Variants in FREM2 observed in about 807,000 individuals in gnomAD.
FREM2 encodes the protein FRAS1 related extracellular matrix 2, also known as FRAS1-related extracellular matrix protein 2.
Under a neutral mutation model 219.9 loss-of-function variants are expected in FREM2, and 119 were observed. The observed-to-expected ratio is 0.54, with a 90% CI of 0.47 to 0.63. The LOEUF (loss-of-function observed/expected upper bound fraction) is 0.63, where lower values mean the gene tolerates loss of function less well. Ranked by LOEUF, FREM2 falls within the 30% of genes least tolerant of loss-of-function variation. The pLI, the probability that FREM2 is intolerant of heterozygous loss-of-function variation, is 0.00. For missense variants in FREM2, 4,030 were observed against 3,993.6 expected (o/e 1.01, Z -0.25); for synonymous variants, 1,562 against 1,522.8 (o/e 1.03, Z -0.60).
At chr13:38,814,336 T>C (rs1008318160) in intron 6 of FREM2, among the ~76,000 whole-genome samples, 1 of 152,224 alleles carries the variant, frequency 6.6e-6, no homozygotes, top group African/African-American at 2.4e-5. Flanking sequence ...CTGTCCTTCT[T>C]TGGAAGACTT....
intron 6 of FREM2, among the ~76,000 whole-genome samples, chr13:38,811,680 A>AT (rs1432050430): frequency 6.6e-6 from 1 of 151,850 alleles, no homozygotes; most frequent in Non-Finnish European, 1.5e-5. Flanking sequence ...TATTATTTCA[A>AT]TTTTTTTGAC....
At chr13:38,828,776 T>C (rs976280786) in intron 6 of FREM2, among the ~76,000 whole-genome samples, 2 of 152,214 alleles carry the variant, frequency 1.3e-5, no homozygotes, top group African/African-American at 4.8e-5. Context: ...AAACTTTTCA[T>C]GTCAATGCAT....
intron 12 of FREM2, among the ~76,000 whole-genome samples, chr13:38,857,592 A>T (rs1332125280): frequency 2.0e-5 from 3 of 152,178 alleles, no homozygotes; most frequent in Admixed American, 6.5e-5. Flanking sequence ...TGGAGAAAAA[A>T]AAATAAATTA....
Position 38,873,229 on chromosome 13 carries a change from A to T in FREM2, c.8176+295A>T, listed in dbSNP as rs867704333. On this transcript the variant is annotated intron_variant, in intron 17 of 23. Transcript: ENST00000280481. ...ATTTATGTGTTACATAACACAACAT[A>T]TATATTTTTCTGAATTCTAGAAAAT... 2.6e-5 allele frequency among the ~76,000 whole-genome samples: 4 copies of T among 152,162 alleles called. 1 individual carries two copies. The highest frequency in any genetic ancestry group is 5.9e-5 in the Non-Finnish European group (4 of 68,032).
intron 16 of FREM2, 94 bp downstream of exon 16, chr13:38,864,700 C>A: frequency 9.1e-7 from 1 of 1,100,412 alleles, no homozygotes; most frequent in Non-Finnish European, 1.4e-6. Context: ...TCCAGTTTTC[C>A]ATCTTGGTGT....
intron 4 of FREM2, among the ~76,000 whole-genome samples, chr13:38,781,013 A>G (rs1273450653): frequency 1.3e-5 from 2 of 152,144 alleles, no homozygotes; most frequent in African/African-American, 4.8e-5. Context: ...GCTTGTTCTC[A>G]TCCCATCTGG....
intron 2 of FREM2, among the ~76,000 whole-genome samples, chr13:38,751,173 G>C (rs562297123): frequency 4.5e-4 from 67 of 148,190 alleles, no homozygotes; most frequent in Non-Finnish European, 7.8e-4. Flanking sequence ...AAGTGGGATT[G>C]CTGGATCATA....
chr13:38,871,539 G>C (rs975003420), intron 16 of FREM2, among the ~76,000 whole-genome samples: 2 of 152,130 alleles, frequency 1.3e-5, no homozygotes, highest in Non-Finnish European at 2.9e-5. Context: ...ATCTTTGTTT[G>C]GAATACGATG....
chr13:38,696,814 T>C (rs911014317), intron 1 of FREM2, among the ~76,000 whole-genome samples: 5 of 151,772 alleles, frequency 3.3e-5, no homozygotes, highest in Non-Finnish European at 7.4e-5. Context: ...TTTCCACTTT[T>C]TTTTTTTTTT....
At chr13:38,697,840 T>C (rs982616515) in intron 2 of FREM2, 53 bp downstream of exon 2, 1 of 996,800 alleles carries the variant, frequency 1.0e-6, no homozygotes, top group East Asian at 2.4e-5. Flanking sequence ...CTTTTCTTGG[T>C]TGCTCTCTGA....
In FREM2 at chr13:38,848,516, C is replaced by T. The variant is rs1284691906; in HGVS notation, c.6225C>T (p.Asn2075=). ...ATTTAGATTTTGCACCTGGAGTCAA[C>T]ATGCAGCCTGTTCGTGTTGTCATTC... ...SRNLDFAPGV[N]MQPVRVVILD... The change falls in exon 8 of 24, where the codon AAC becomes AAT. Residue 2075 remains asparagine (N), a synonymous_variant. Transcript: ENST00000280481. 3 of 1,613,932 alleles carry T rather than the reference C, an allele frequency of 1.9e-6. No individual in the cohort carries two copies. Among genetic ancestry groups the T allele is most frequent in the Middle Eastern group, 1.6e-4 (1 of 6,082 alleles).
intron 6 of FREM2, among the ~76,000 whole-genome samples, chr13:38,800,641 G>C (rs1457331121): frequency 6.6e-6 from 1 of 152,004 alleles, no homozygotes; most frequent in African/African-American, 2.4e-5. Flanking sequence ...TGTTAAGTAG[G>C]GTTTTTGAGA....
chr13:38,817,805 A>G (rs2137872963), intron 6 of FREM2, among the ~76,000 whole-genome samples: 1 of 152,212 alleles, frequency 6.6e-6, no homozygotes, highest in South Asian at 2.1e-4. Context: ...TGCAAACTAT[A>G]GATGCGAAAA....
chr13:38,723,556 G>A (rs1203411511), intron 2 of FREM2, among the ~76,000 whole-genome samples: 1 of 152,090 alleles, frequency 6.6e-6, no homozygotes. Context: ...GCTGTGGGGG[G>A]TGCATGACAT....
In FREM2 at chr13:38,850,179, T is replaced by C; in HGVS notation, c.6521T>C (p.Met2174Thr). 1.2e-6 allele frequency: 2 copies of C among 1,614,050 alleles called. No individual in the cohort carries two copies. The highest frequency in any genetic ancestry group is 1.7e-6 in the Non-Finnish European group (2 of 1,179,954). ...CYTRQGSAQV[M>T]MDFEERPNTD... ...ACCCGGCAGGGGTCTGCACAGGTGA[T>C]GATGGACTTTGAAGAACGCCCAAAC... is the stretch of plus-strand genomic sequence containing the variant. Residue 2174 changes from methionine (M) to threonine (T), a missense_variant, in exon 9 of 24, where the codon ATG becomes ACG. This residue lies in a region of FREM2 where 3,102 missense variants were observed against 2,950.7 expected (regional missense o/e 1.05). Coordinates refer to ENST00000280481, the MANE Select transcript of FREM2 (RefSeq NM_207361.6).
Position 38,691,676 on chromosome 13 carries a change from A to G in FREM2, c.4332A>G (p.Leu1444=), listed in dbSNP as rs1305410337. The change falls in exon 1 of 24, where the codon CTA becomes CTG. Residue 1444 remains leucine (L), a synonymous_variant. Transcript: ENST00000280481. ...GGKVTLTTDL[L]STSDLNSPDE... Reference sequence around the variant, plus strand: ...AAGTCACTCTTACAACAGACCTACTAAGCACTAGTGACTTGAACAGTCCTG... The same window carrying G: ...AAGTCACTCTTACAACAGACCTACTGAGCACTAGTGACTTGAACAGTCCTG... 2 of 1,614,016 alleles carry G rather than the reference A, an allele frequency of 1.2e-6. No homozygotes were observed. The highest frequency in any genetic ancestry group is 1.3e-5 in the African/African-American group (1 of 74,914).
chr13:38,688,989 T>C lies in FREM2; in HGVS notation c.1645T>C (p.Phe549Leu). 1 of 1,613,950 alleles carries C rather than the reference T, an allele frequency of 6.2e-7. No homozygotes were observed. The highest frequency in any genetic ancestry group is 1.3e-5 in the African/African-American group (1 of 75,034). The change falls in exon 1 of 24, where the codon TTC becomes CTC. Residue 549 changes from phenylalanine (F) to leucine (L), a missense_variant. Physicochemically the swap from Phe to Leu is conservative, Grantham distance 22. This residue lies in a region of FREM2 where 3,102 missense variants were observed against 2,950.7 expected (regional missense o/e 1.05). Transcript: ENST00000280481. ...GGGRHQVQFL[F>L]PITLVPVDDQ... ...AGGCAGGCACCAGGTACAGTTTCTG[T>C]TCCCCATCACCTTAGTGCCTGTGGA... is the stretch of plus-strand genomic sequence containing the variant.
At position 38,806,436 on chromosome 13, in the gene FREM2, G is replaced by A. The variant is rs116213887; in HGVS notation, c.6019+21628G>A. ...GATGTTGAGAGTTTGGTTCCAGACC[G>A]CTACAATAAAGCAACTATTGCAATA... On this transcript the variant is annotated intron_variant, in intron 6 of 23. Transcript: ENST00000280481. Among the ~76,000 whole-genome samples the A allele has an allele frequency of 5.4e-3, 818 of 151,950 alleles. 7 individuals carry two copies. The highest frequency in any genetic ancestry group is 0.018 in the African/African-American group (763 of 41,492).
Position 38,769,660 on chromosome 13 carries a change from C to A in FREM2, c.5493C>A (p.Gly1831=). Residue 1831 remains glycine (G), a synonymous_variant, in exon 4 of 24, where the codon GGC becomes GGA. Coordinates refer to ENST00000280481, the MANE Select transcript of FREM2 (RefSeq NM_207361.6). ...AGAAACAAGTGCAGTTCAACCCAGG[C>A]CAGACCAGGGCCACATGGCGAGTGC... The part of the protein sequence containing the change: ...KAQKQVQFNP[G]QTRATWRVRI... 1 of 1,614,174 alleles carries A rather than the reference C, an allele frequency of 6.2e-7. No homozygotes were observed. The highest frequency in any genetic ancestry group is 1.1e-5 in the South Asian group (1 of 91,082).
Sources: gnomAD v4.1 joint callset for allele counts (sites outside exome capture counted in the v4.1 genomes callset) on GRCh38, gnomAD v4.1.1 for gene constraint, gnomAD v4.1.1 regional missense constraint, MANE v1.5 for transcripts, NCBI Gene and HGNC (gene_info 2026-07-23, HGNC 2026-07-21) for gene names.